The following GPR176 variants were observed in gnomAD, a reference collection of about 807,000 sequenced individuals.
The protein encoded by GPR176 is G protein-coupled receptor 176.
Under a neutral mutation model 35.4 loss-of-function variants are expected in GPR176, and 26 were observed. That is an observed-to-expected ratio of 0.74 (90% CI 0.54 to 1.02). GPR176 has a LOEUF of 1.02. Ranked by LOEUF, GPR176 falls within the 50% of genes least tolerant of loss-of-function variation. The pLI is 0.00. For synonymous variants in GPR176, 278 were observed against 271.3 expected (o/e 1.02, Z -0.24); for missense variants, 597 against 665.3 (o/e 0.90, Z 1.13).
intron 1 of GPR176, among the ~76,000 whole-genome samples, chr15:39,911,728 T>C (rs2033582012): frequency 1.3e-5 from 2 of 152,238 alleles, no homozygotes; most frequent in Non-Finnish European, 2.9e-5. Context: ...GTTTTGGTCA[T>C]GCCTTACAGT....
intron 1 of GPR176, among the ~76,000 whole-genome samples, chr15:39,840,490 G>T (rs1299936088): frequency 6.6e-6 from 1 of 152,148 alleles, no homozygotes; most frequent in Admixed American, 6.5e-5. Flanking sequence ...CATGGGGTGG[G>T]GGTAGCGGGG....
At chr15:39,853,040 T>C (rs2140811738) in intron 1 of GPR176, among the ~76,000 whole-genome samples, 1 of 152,336 alleles carries the variant, frequency 6.6e-6, no homozygotes, top group East Asian at 1.9e-4. Context: ...AGAACCATTA[T>C]ATAATCCAGC....
intron 2 of GPR176, among the ~76,000 whole-genome samples, chr15:39,804,189 G>A (rs1169928889): frequency 6.6e-6 from 1 of 152,144 alleles, no homozygotes; most frequent in Non-Finnish European, 1.5e-5. Flanking sequence ...TAAGCACACA[G>A]GCTCACTATA....
At chr15:39,833,788 T>G (rs1901237571) in intron 1 of GPR176, among the ~76,000 whole-genome samples, 1 of 152,208 alleles carries the variant, frequency 6.6e-6, no homozygotes, top group Admixed American at 6.5e-5. Flanking sequence ...TTTTAGTGAC[T>G]GTTTTGCTGG....
chr15:39,829,380 G>C lies in GPR176; in HGVS notation c.173-22122C>G, dbSNP rs149206355. ...GCGCAGGACACAAGGAGCTCACAATGCTCTGAGGTCAAATCTAGGAAAGCC... is the reference window on the plus strand; with the variant it reads ...GCGCAGGACACAAGGAGCTCACAATCCTCTGAGGTCAAATCTAGGAAAGCC... On this transcript the variant is annotated intron_variant, in intron 1 of 2. Coordinates refer to ENST00000561100, the MANE Select transcript of GPR176 (RefSeq NM_007223.3). The C allele has an allele frequency of 5.2e-4, 644 of 1,237,514 alleles. 4 individuals carry two copies. In the African/African-American group the frequency reaches 9.1e-3, roughly 17 times the overall value. 76.7% of individuals were successfully genotyped at this position (1,237,514 alleles called of 1,614,324 possible).
chr15:39,832,654 AACACACAC>A (rs112693906), intron 1 of GPR176, among the ~76,000 whole-genome samples: 13 of 145,234 alleles, frequency 9.0e-5, no homozygotes, highest in Admixed American at 1.4e-4. Context: ...TGATGAGCTA[AACACACAC>A]ACACACACAC....
At chr15:39,892,708 G>A (rs1273164011) in intron 1 of GPR176, among the ~76,000 whole-genome samples, 1 of 152,232 alleles carries the variant, frequency 6.6e-6, no homozygotes, top group African/African-American at 2.4e-5. Flanking sequence ...ACAAGCCAAG[G>A]AAGGCCAAGG....
In GPR176 at chr15:39,807,093, G is replaced by C; in HGVS notation, c.338C>G (p.Thr113Ser). 8.1e-6 allele frequency: 13 copies of C among 1,613,984 alleles called. No individual in the cohort carries two copies. Among genetic ancestry groups the C allele is most frequent in the Non-Finnish European group, 1.1e-5 (13 of 1,179,904 alleles). ...TSPHCCWWIYTMLFCKVVKFL... is the reference protein window; with the variant it reads ...TSPHCCWWIYSMLFCKVVKFL... ...TTTGACGACCTTGCAGAAGAGCATG[G>C]TGTAGATCCACCAGCAACAGTGAGG... The change falls in exon 2 of 3, where the codon ACC (threonine) becomes AGC (serine). Residue 113 changes from threonine to serine, a missense_variant. Transcript: ENST00000561100.
intron 1 of GPR176, among the ~76,000 whole-genome samples, chr15:39,810,023 T>C (rs745735967): frequency 2.6e-5 from 4 of 151,604 alleles, no homozygotes; most frequent in Non-Finnish European, 4.4e-5. Context: ...CGGGCGCCTA[T>C]AGTACCAGCT....
chr15:39,859,236 A>G (rs529585881), intron 1 of GPR176, among the ~76,000 whole-genome samples: 1 of 152,176 alleles, frequency 6.6e-6, no homozygotes, highest in South Asian at 2.1e-4. Flanking sequence ...GAAAAAAGGT[A>G]TATCTGAGGA....
At chr15:39,808,596 T>C (rs545078219) in intron 1 of GPR176, among the ~76,000 whole-genome samples, 1 of 152,230 alleles carries the variant, frequency 6.6e-6, no homozygotes, top group Non-Finnish European at 1.5e-5. Flanking sequence ...ATAGTTCTCA[T>C]CACAATTATT....
intron 1 of GPR176, among the ~76,000 whole-genome samples, chr15:39,808,372 C>T (rs773809266): frequency 1.3e-5 from 2 of 152,184 alleles, no homozygotes; most frequent in Non-Finnish European, 2.9e-5. Flanking sequence ...TTGTGCCATT[C>T]CTGAAACACA....
At chr15:39,873,906 GC>G (rs1018857372) in intron 1 of GPR176, among the ~76,000 whole-genome samples, 5 of 152,034 alleles carry the variant, frequency 3.3e-5, no homozygotes, top group African/African-American at 1.2e-4. Context: ...ATAAAAATTT[GC>G]CCCTGCTAAG....
At position 39,821,167 on chromosome 15, in the gene GPR176, G is replaced by T. The variant is rs1900248380; in HGVS notation, c.173-13909C>A. 2.6e-5 allele frequency among the ~76,000 whole-genome samples: 4 copies of T among 152,286 alleles called. No homozygotes were observed. The South Asian group carries it at 8.3e-4, about 32-fold the overall frequency. On this transcript the variant is annotated intron_variant, in intron 1 of 2. Coordinates refer to ENST00000561100, the MANE Select transcript of GPR176 (RefSeq NM_007223.3). ...TGAATAACATTGAGTTATTTACCAT[G>T]TAATTTTCCTGCTGGTTCAAAATAA...
At chr15:39,869,820 A>AT (rs984393443) in intron 1 of GPR176, among the ~76,000 whole-genome samples, 2 of 151,904 alleles carry the variant, frequency 1.3e-5, no homozygotes, top group Non-Finnish European at 2.9e-5. Context: ...CTCAGTGCAT[A>AT]TTTTTTTTAA....
At chr15:39,872,173 A>T (rs1163415360) in intron 1 of GPR176, among the ~76,000 whole-genome samples, 1 of 143,976 alleles carries the variant, frequency 6.9e-6, no homozygotes, top group Non-Finnish European at 1.5e-5. Flanking sequence ...AGGCAAGAAG[A>T]AATAAGTTGT....
chr15:39,877,112 A>G (rs1025013512), intron 1 of GPR176, among the ~76,000 whole-genome samples: 2 of 152,210 alleles, frequency 1.3e-5, no homozygotes, highest in African/African-American at 4.8e-5. Flanking sequence ...TATTGAGTCT[A>G]GCAGCTCTGA....
chr15:39,894,249 C>A (rs1595513177), intron 1 of GPR176, among the ~76,000 whole-genome samples: 1 of 136,352 alleles, frequency 7.3e-6, no homozygotes, highest in East Asian at 2.2e-4. Flanking sequence ...GGGCGGCTGG[C>A]CGGGTTGGGG....
chr15:39,801,033 G>T lies in GPR176; in HGVS notation c.*99C>A. 1.0e-6 allele frequency: 1 copy of T among 994,166 alleles called. No homozygotes were observed. The highest frequency in any genetic ancestry group is 1.5e-6 in the Non-Finnish European group (1 of 661,264). The allele number at this position is 994,166 out of a possible 1,614,324, so 61.6% of individuals were successfully genotyped here. ...CATATTGGAGGAATCAACTCACACTGAGTTGCAAGGAGATCATACAATCAC... is the reference window on the plus strand; with the variant it reads ...CATATTGGAGGAATCAACTCACACTTAGTTGCAAGGAGATCATACAATCAC... On this transcript the variant is annotated 3_prime_UTR_variant, in exon 3 of 3. Transcript: ENST00000561100.
Sources: gnomAD v4.1 joint callset for allele counts (sites outside exome capture counted in the v4.1 genomes callset) on GRCh38, gnomAD v4.1.1 for gene constraint, MANE v1.5 for transcripts, NCBI Gene and HGNC (gene_info 2026-07-23, HGNC 2026-07-21) for gene names.